Variants in CRAMP1 observed in about 807,000 individuals in gnomAD.
CRAMP1 encodes cramped chromatin regulator 1.
Under a neutral mutation model 115.4 loss-of-function variants are expected in CRAMP1, and 50 were observed. That is an observed-to-expected ratio of 0.43 (90% CI 0.35 to 0.55). CRAMP1 has a LOEUF of 0.55. CRAMP1 is among the 20% of genes least tolerant of loss of function. The pLI is 0.01. For synonymous variants in CRAMP1, 866 were observed against 745.4 expected, an observed-to-expected ratio of 1.16 and a Z score of -2.64; for missense variants, 1,679 against 1,721.7, an observed-to-expected ratio of 0.98 and a Z score of 0.44.
rs2036933331 is a variant in CRAMP1 at position 1,672,863 on chromosome 16, C to G, written c.3646-1018C>G. Among the ~76,000 whole-genome samples, 1 of 152,276 alleles carries G rather than the reference C, an allele frequency of 6.6e-6. No individual in the cohort carries two copies. ...GTCTCCTCAGCTCTGTGCTGCCTCA[C>G]TCACTCTGTCATGGCCACCACCTTG... On this transcript the variant is annotated intron_variant, in intron 20 of 20. Transcript: ENST00000397412. The surrounding 1 kb of genome is among the most constrained non-coding windows in gnomAD (Gnocchi z 4.9).
At chr16:1,637,071 T>C (rs931746841) in intron 4 of CRAMP1, among the ~76,000 whole-genome samples, 2 of 152,102 alleles carry the variant, frequency 1.3e-5, no homozygotes, top group Admixed American at 1.3e-4. Flanking sequence ...GACAGGTAGA[T>C]CATTTGAGGT....
chr16:1,625,253 G>C (rs934331793), intron 2 of CRAMP1, among the ~76,000 whole-genome samples: 13 of 152,264 alleles, frequency 8.5e-5, no homozygotes, highest in African/African-American at 3.1e-4. Context: ...TCCGGTCTCG[G>C]AGGAGCCTGG....
In CRAMP1 at chr16:1,677,019, C is replaced by A. The variant is rs1049827691; in HGVS notation, c.*2974C>A. 1 of 152,512 alleles carries A rather than the reference C, an allele frequency of 6.6e-6. No individual in the cohort carries two copies. The highest frequency in any genetic ancestry group is 2.4e-5 in the African/African-American group (1 of 41,392). The allele number at this position is 152,512 out of a possible 1,614,324, so 9.4% of individuals were successfully genotyped here. ...GATCACAGCATTGAATTCAAAATTTCTTCTGCAAAGAAAGTTGTGGGGCAT... is the reference window on the plus strand; with the variant it reads ...GATCACAGCATTGAATTCAAAATTTATTCTGCAAAGAAAGTTGTGGGGCAT... On this transcript the variant is annotated 3_prime_UTR_variant, in exon 21 of 21. Transcript: ENST00000397412.
At chr16:1,619,176 TTTTTTG>T (rs1165807256) in intron 2 of CRAMP1, among the ~76,000 whole-genome samples, 1 of 152,112 alleles carries the variant, frequency 6.6e-6, no homozygotes, top group Non-Finnish European at 1.5e-5. Context: ...CGGGGTTTTG[TTTTTTG>T]TTTTTGTTTT....
In CRAMP1 at chr16:1,621,256, G is replaced by T. The variant is rs890611881; in HGVS notation, c.347-4717G>T. Among the ~76,000 whole-genome samples, 10 of 152,226 alleles carry T rather than the reference G, an allele frequency of 6.6e-5. 1 individual carries two copies. Among genetic ancestry groups the T allele is most frequent in the African/African-American group, 2.4e-4 (10 of 41,462 alleles). On this transcript the variant is annotated intron_variant, in intron 2 of 20. Coordinates refer to ENST00000397412, the MANE Select transcript of CRAMP1 (RefSeq NM_020825.4). Reference sequence around the variant, plus strand: ...GATGGGGAAGAGGACGTGTTGCAAAGAATAGGTGGTAGGGCCTGTCTGGAG... The same window carrying T: ...GATGGGGAAGAGGACGTGTTGCAAATAATAGGTGGTAGGGCCTGTCTGGAG...
At position 1,662,746 on chromosome 16, in the gene CRAMP1, G is replaced by A. The variant is rs765036930; in HGVS notation, c.2596-15G>A. The A allele has an allele frequency of 1.6e-5, 26 of 1,613,698 alleles. No homozygotes were observed. Among genetic ancestry groups the A allele is most frequent in the Middle Eastern group, 1.6e-4 (1 of 6,082 alleles). ...GAGAGTGCACCTTCAGGTGCCGGAC[G>A]CTGCTCCCTTACAGATGCAGTCGGA... On this transcript the variant is annotated splice_polypyrimidine_tract_variant and intron_variant, in intron 12 of 20. Transcript: ENST00000397412.
Position 1,653,106 on chromosome 16 carries a change from C to T in CRAMP1, c.987C>T (p.Asn329=). ...TCCCTATAGAGCTACAGCCGCGGAA[C>T]AACCACGCCTGGGCCCGTGTGCAGA... ...LKVPIELQPR[N]NHAWARVQSL... The change falls in exon 8 of 21, where the codon AAC becomes AAT. Residue 329 remains asparagine (N), a synonymous_variant. Coordinates refer to ENST00000397412, the MANE Select transcript of CRAMP1 (RefSeq NM_020825.4). The T allele has an allele frequency of 1.9e-6, 3 of 1,612,320 alleles. No individual in the cohort carries two copies. Among genetic ancestry groups the T allele is most frequent in the Non-Finnish European group, 2.5e-6 (3 of 1,179,176 alleles).
intron 13 of CRAMP1, among the ~76,000 whole-genome samples, chr16:1,664,729 A>T (rs2036859188): frequency 1.3e-5 from 2 of 152,006 alleles, no homozygotes; most frequent in Non-Finnish European, 2.9e-5. Context: ...CAGTGAGCCG[A>T]AATTGCACCA....
intron 5 of CRAMP1, among the ~76,000 whole-genome samples, chr16:1,640,542 A>G (rs937495089): frequency 6.6e-6 from 1 of 152,222 alleles, no homozygotes; most frequent in Non-Finnish European, 1.5e-5. Context: ...CCCAGCACCT[A>G]GTCTCTCCCG....
intron 7 of CRAMP1, 108 bp from the exon 8 acceptor site, chr16:1,652,925 C>T: frequency 7.4e-7 from 1 of 1,350,980 alleles, no homozygotes; most frequent in Non-Finnish European, 1.0e-6. Context: ...CCTCTGTTTG[C>T]AAGGCCATCT....
chr16:1,637,753 G>A (rs2036600161), intron 4 of CRAMP1, 71 bp from the exon 5 acceptor site: 2 of 676,054 alleles, frequency 3.0e-6, no homozygotes, highest in Non-Finnish European at 4.7e-6. Flanking sequence ...AGCCTGGTGT[G>A]GCTCTCACAC....
intron 10 of CRAMP1, among the ~76,000 whole-genome samples, chr16:1,657,257 C>T (rs1435689365): frequency 6.6e-6 from 1 of 152,252 alleles, no homozygotes; most frequent in Non-Finnish European, 1.5e-5. Context: ...AGTGTCCCCA[C>T]TTACGTGCAC....
At chr16:1,623,520 C>G (rs1282733086) in intron 2 of CRAMP1, among the ~76,000 whole-genome samples, 1 of 152,196 alleles carries the variant, frequency 6.6e-6, no homozygotes, top group Admixed American at 6.5e-5. Context: ...TCAAATATAC[C>G]TAATGCCAAC....
At chr16:1,613,761 G>A (rs2036387166) in intron 1 of CRAMP1, among the ~76,000 whole-genome samples, 1 of 152,146 alleles carries the variant, frequency 6.6e-6, no homozygotes, top group Admixed American at 6.5e-5. Context: ...TCTTGCACCT[G>A]GACCCGGACA....
At chr16:1,644,454 C>G (rs1316931052) in intron 6 of CRAMP1, among the ~76,000 whole-genome samples, 5 of 152,144 alleles carry the variant, frequency 3.3e-5, no homozygotes, top group African/African-American at 1.2e-4. Flanking sequence ...TGATGCATGT[C>G]CATTGAACAG....
rs564320182 is a variant in CRAMP1, at chr16:1,624,294, G to C, written c.347-1679G>C. Reference sequence around the variant, plus strand: ...GGGTGAGGCACTGAGCCTCTAGCCTGCGTGTGGCTGCCCAGGCAGGGCCCC... The same window carrying C: ...GGGTGAGGCACTGAGCCTCTAGCCTCCGTGTGGCTGCCCAGGCAGGGCCCC... On this transcript the variant is annotated intron_variant, in intron 2 of 20. Coordinates refer to ENST00000397412, the MANE Select transcript of CRAMP1 (RefSeq NM_020825.4). Among the ~76,000 whole-genome samples, 18 of 152,192 alleles carry C rather than the reference G, an allele frequency of 1.2e-4. No individual in the cohort carries two copies. The East Asian group carries it at 3.5e-3, about 29-fold the overall frequency.
intron 3 of CRAMP1, among the ~76,000 whole-genome samples, 155 bp downstream of exon 3, chr16:1,626,321 G>C (rs1307607987): frequency 6.6e-6 from 1 of 152,080 alleles, no homozygotes; most frequent in South Asian, 2.1e-4. Context: ...CTCTAGCCTT[G>C]CCCACTGACC....
At chr16:1,615,915 A>C (rs2036415059) in intron 2 of CRAMP1, among the ~76,000 whole-genome samples, 1 of 152,220 alleles carries the variant, frequency 6.6e-6, no homozygotes, top group South Asian at 2.1e-4. Context: ...CATTTAGTGA[A>C]TGGTCCTGGT....
chr16:1,655,385 T>C, intron 9 of CRAMP1, 85 bp downstream of exon 9: 3 of 1,071,958 alleles, frequency 2.8e-6, no homozygotes, highest in Non-Finnish European at 1.5e-6. Flanking sequence ...GTGCCTGTCA[T>C]CGTCATGGTC....
Sources: gnomAD v4.1 joint callset for allele counts (sites outside exome capture counted in the v4.1 genomes callset) on GRCh38, gnomAD v4.1.1 for gene constraint, Gnocchi (gnomAD v3.1) non-coding constraint, MANE v1.5 for transcripts, NCBI Gene and HGNC (gene_info 2026-07-23, HGNC 2026-07-21) for gene names.